ENTREP2: variants seen among roughly 807,000 people sequenced by gnomAD.
ENTREP2 encodes endosomal transmembrane epsin interactor 2, also known as protein ENTREP2.
At chr15:29,588,965 G>C in the ENTREP2 span, among the ~76,000 whole-genome samples, 2 of 151,302 alleles carry the variant, frequency 1.3e-5, no homozygotes, top group African/African-American at 4.9e-5. Context: ...ACTCCAGCCT[G>C]GGTGACAGAG....
At chr15:29,483,537 G>T in the ENTREP2 span, among the ~76,000 whole-genome samples, 1 of 152,334 alleles carries the variant, frequency 6.6e-6, no homozygotes, top group African/African-American at 2.4e-5. Flanking sequence ...GCCTCTAGCT[G>T]TTCCAGCCCC....
chr15:29,368,265 C>T, the ENTREP2 span, among the ~76,000 whole-genome samples: 1 of 151,414 alleles, frequency 6.6e-6, no homozygotes, highest in African/African-American at 2.4e-5. Flanking sequence ...GGAGGCAAGG[C>T]TGCAGTGAGC....
the ENTREP2 span, among the ~76,000 whole-genome samples, chr15:29,179,673 C>T: frequency 6.6e-6 from 1 of 151,784 alleles, no homozygotes; most frequent in Admixed American, 6.5e-5. Context: ...CTCCGCCTCC[C>T]GGGTTCACGC....
At chr15:29,293,734 C>A in the ENTREP2 span, among the ~76,000 whole-genome samples, 1 of 152,164 alleles carries the variant, frequency 6.6e-6, no homozygotes, top group Non-Finnish European at 1.5e-5. Flanking sequence ...CTCGGGGAAG[C>A]GTGGAAGTTG....
chr15:29,381,500 T>C, the ENTREP2 span, among the ~76,000 whole-genome samples: 1 of 139,242 alleles, frequency 7.2e-6, no homozygotes, highest in African/African-American at 2.7e-5. Flanking sequence ...TCACGCTCGG[T>C]CCTTACAGGA....
chr15:29,249,387 T>G, the ENTREP2 span, among the ~76,000 whole-genome samples: 1 of 152,176 alleles, frequency 6.6e-6, no homozygotes, highest in African/African-American at 2.4e-5. Flanking sequence ...GGATAGCACA[T>G]TTAAATACAT....
At chr15:29,306,954 C>T in the ENTREP2 span, among the ~76,000 whole-genome samples, 5 of 151,936 alleles carry the variant, frequency 3.3e-5, no homozygotes, top group African/African-American at 1.2e-4. Flanking sequence ...CGCCATGTTG[C>T]CCAGGCTGGT....
the ENTREP2 span, among the ~76,000 whole-genome samples, chr15:29,230,857 G>C: frequency 3.9e-5 from 6 of 152,102 alleles, no homozygotes; most frequent in African/African-American, 1.4e-4. Context: ...TCTTTTGAAA[G>C]GCTATGGGAA....
the ENTREP2 span, among the ~76,000 whole-genome samples, chr15:29,662,755 G>C: frequency 6.6e-6 from 1 of 151,726 alleles, no homozygotes; most frequent in African/African-American, 2.4e-5. Context: ...AGTTTCTCTC[G>C]TGTTGCCCAG....
At chr15:29,244,601 T>A in the ENTREP2 span, among the ~76,000 whole-genome samples, 1 of 152,136 alleles carries the variant, frequency 6.6e-6, no homozygotes, top group East Asian at 1.9e-4. Context: ...GACGCCTGGA[T>A]CAGGGAAGCA....
At chr15:29,398,821 T>C in the ENTREP2 span, among the ~76,000 whole-genome samples, 1 of 152,336 alleles carries the variant, frequency 6.6e-6, no homozygotes, top group South Asian at 2.1e-4. Flanking sequence ...CTGGTGTACC[T>C]GCCCTGTGTA....
chr15:29,152,599 C>G, the ENTREP2 span, among the ~76,000 whole-genome samples: 1 of 152,204 alleles, frequency 6.6e-6, no homozygotes, highest in Non-Finnish European at 1.5e-5. Context: ...TTGCATGTAT[C>G]AGTAGTTGAC....
At chr15:29,249,502 T>G in the ENTREP2 span, among the ~76,000 whole-genome samples, 1 of 152,196 alleles carries the variant, frequency 6.6e-6, no homozygotes, top group East Asian at 1.9e-4. Context: ...GTGGTAGGAC[T>G]GTGAAGTGTT....
chr15:29,608,316 T>C, the ENTREP2 span, among the ~76,000 whole-genome samples: 3 of 152,048 alleles, frequency 2.0e-5, no homozygotes, highest in African/African-American at 7.2e-5. Context: ...TGTTCAAAAA[T>C]AGAGCCACCT....
chr15:29,518,038 A>G, the ENTREP2 span, among the ~76,000 whole-genome samples: 2 of 152,058 alleles, frequency 1.3e-5, no homozygotes, highest in African/African-American at 4.8e-5. Flanking sequence ...GGAGTTTAAG[A>G]CCAGCCTGGG....
At chr15:29,464,349 A>T in the ENTREP2 span, among the ~76,000 whole-genome samples, 2 of 152,220 alleles carry the variant, frequency 1.3e-5, no homozygotes, top group Non-Finnish European at 2.9e-5. Context: ...ATGGGGCAAG[A>T]ACAGCCACTT....
chr15:29,172,891 C>T, the ENTREP2 span, among the ~76,000 whole-genome samples: 1 of 152,146 alleles, frequency 6.6e-6, no homozygotes, highest in Admixed American at 6.5e-5. Flanking sequence ...CCTGTCAGGA[C>T]ACCTGTTTTA....
the ENTREP2 span, among the ~76,000 whole-genome samples, chr15:29,667,880 A>G: frequency 1.3e-5 from 2 of 152,112 alleles, no homozygotes; most frequent in Non-Finnish European, 2.9e-5. Flanking sequence ...TATTTGCTCT[A>G]CATCTTGGCC....
chr15:29,353,149 A>C, the ENTREP2 span, among the ~76,000 whole-genome samples: 1 of 152,014 alleles, frequency 6.6e-6, no homozygotes, highest in South Asian at 2.1e-4. Flanking sequence ...ATTTTTTTTT[A>C]ATGTTTAAAA....
Sources: allele counts gnomAD v4.1 joint callset (sites outside exome capture counted in the v4.1 genomes callset), GRCh38; gene constraint gnomAD v4.1.1; transcripts MANE v1.5; gene names NCBI Gene and HGNC (gene_info 2026-07-23, HGNC 2026-07-21).